Variants in NDST3 observed in about 807,000 individuals in gnomAD.
NDST3 encodes the protein bifunctional heparan sulfate N-deacetylase/N-sulfotransferase 3.
In NDST3, 58 loss-of-function variants were observed where a neutral mutation model predicts 96.1. The ratio of observed to expected loss-of-function variants is 0.60; its 90% CI spans 0.49 to 0.75. NDST3 has a LOEUF of 0.75. NDST3 is among the 30% of genes least tolerant of loss of function. NDST3 has a pLI of 0.00. For missense variants in NDST3, 788 were observed against 1,034.2 expected, an observed-to-expected ratio of 0.76 and a Z score of 3.27; for synonymous variants, 333 against 359.7, an observed-to-expected ratio of 0.93 and a Z score of 0.84.
At chr4:118,133,375 CCT>C (rs1409564654) in intron 4 of NDST3, among the ~76,000 whole-genome samples, 3 of 152,122 alleles carry the variant, frequency 2.0e-5, no homozygotes, top group African/African-American at 7.2e-5. Flanking sequence ...GTAAAGTCCC[CCT>C]GTCACTGTGC....
intron 3 of NDST3, among the ~76,000 whole-genome samples, chr4:118,108,759 A>T (rs1730406800): frequency 6.6e-6 from 1 of 152,136 alleles, no homozygotes; most frequent in African/African-American, 2.4e-5. Context: ...TATAACTTTC[A>T]CCTACCAATT....
At chr4:118,193,643 A>G in intron 6 of NDST3, 1 of 1,299,528 alleles carries the variant, frequency 7.7e-7, no homozygotes, top group East Asian at 2.3e-5. Context: ...GTAGAGCTGC[A>G]AGACCTTCTG....
intron 6 of NDST3, among the ~76,000 whole-genome samples, chr4:118,209,737 G>C (rs1738667184): frequency 6.6e-6 from 1 of 152,120 alleles, no homozygotes; most frequent in Admixed American, 6.6e-5. Context: ...CTAATTGAGA[G>C]CAATTGATTT....
At position 118,114,975 on chromosome 4, in the gene NDST3, T is replaced by C. The variant is rs547630641; in HGVS notation, c.1224+15T>C. 6.2e-7 allele frequency: 1 copy of C among 1,613,136 alleles called. No homozygotes were observed. The highest frequency in any genetic ancestry group is 2.2e-5 in the East Asian group (1 of 44,850). On this transcript the variant is annotated intron_variant, in intron 4 of 13. Transcript: ENST00000296499. ...AATTTGCCTTAGTAAGTAACTCACTTTGTTGCATTGAAGTAGTGTACACTG... is the reference window on the plus strand; with the variant it reads ...AATTTGCCTTAGTAAGTAACTCACTCTGTTGCATTGAAGTAGTGTACACTG...
At chr4:118,111,085 C>G (rs6820108) in intron 3 of NDST3, among the ~76,000 whole-genome samples, 1 of 152,048 alleles carries the variant, frequency 6.6e-6, no homozygotes, top group Admixed American at 6.5e-5. Context: ...AAATACCACA[C>G]GTTCTCATTT....
chr4:118,044,922 C>T (rs1172329903), intron 1 of NDST3, among the ~76,000 whole-genome samples: 1 of 151,936 alleles, frequency 6.6e-6, no homozygotes, highest in Non-Finnish European at 1.5e-5. Context: ...GAGGGCAGAC[C>T]CCTCATGACC....
chr4:118,236,955 C>A, intron 9 of NDST3, 91 bp from the exon 10 acceptor site: 1 of 976,608 alleles, frequency 1.0e-6, no homozygotes, highest in Non-Finnish European at 1.4e-6. Context: ...ATTTAGGAAA[C>A]ACATGAATTT....
chr4:118,044,454 T>A (rs1724638019), intron 1 of NDST3, among the ~76,000 whole-genome samples: 1 of 152,202 alleles, frequency 6.6e-6, no homozygotes, highest in Non-Finnish European at 1.5e-5. Flanking sequence ...TTCTCTGCAG[T>A]GTTTGTAAGA....
At chr4:118,041,524 C>T (rs1724464806) in intron 1 of NDST3, among the ~76,000 whole-genome samples, 1 of 152,134 alleles carries the variant, frequency 6.6e-6, no homozygotes, top group Admixed American at 6.5e-5. Flanking sequence ...ATTTAAAATA[C>T]AGTTTCCTGA....
intron 12 of NDST3, among the ~76,000 whole-genome samples, chr4:118,252,526 T>G (rs750103959): frequency 4.6e-5 from 7 of 152,252 alleles, no homozygotes; most frequent in African/African-American, 1.7e-4. Context: ...GAAAGAGTTA[T>G]ATGAAATATT....
chr4:118,240,064 G>T (rs1740911517), intron 10 of NDST3, among the ~76,000 whole-genome samples: 1 of 151,662 alleles, frequency 6.6e-6, no homozygotes, highest in Non-Finnish European at 1.5e-5. Context: ...TCATTTAAAA[G>T]AGCTGATAGG....
intron 3 of NDST3, among the ~76,000 whole-genome samples, chr4:118,114,392 A>T (rs1730884472): frequency 6.6e-6 from 1 of 152,208 alleles, no homozygotes; most frequent in Admixed American, 6.5e-5. Flanking sequence ...TGTTGTATAC[A>T]CAGCCCATGT....
intron 3 of NDST3, among the ~76,000 whole-genome samples, chr4:118,110,572 AATG>A (rs1293766481): frequency 6.6e-6 from 1 of 152,230 alleles, no homozygotes; most frequent in Admixed American, 6.5e-5. Flanking sequence ...ACTCTCAATC[AATG>A]ATGATTTTAA....
At chr4:118,068,544 C>T (rs1351416313) in intron 2 of NDST3, among the ~76,000 whole-genome samples, 1 of 152,014 alleles carries the variant, frequency 6.6e-6, no homozygotes, top group Non-Finnish European at 1.5e-5. Context: ...AGCCAAGAAA[C>T]ATCACTTTAA....
At chr4:118,084,431 CCTATTT>C (rs1394869444) in intron 2 of NDST3, among the ~76,000 whole-genome samples, 1 of 152,154 alleles carries the variant, frequency 6.6e-6, no homozygotes, top group Non-Finnish European at 1.5e-5. Flanking sequence ...TGTACCAAAG[CCTATTT>C]CTGGATCCAT....
At chr4:118,088,089 CTTGAA>C (rs1217011500) in intron 2 of NDST3, among the ~76,000 whole-genome samples, 1 of 151,998 alleles carries the variant, frequency 6.6e-6, no homozygotes, top group Non-Finnish European at 1.5e-5. Context: ...TAGCCACTAA[CTTGAA>C]TTTTTTGTGA....
In NDST3 at chr4:118,053,689, A is replaced by G. The variant is rs1486331473; in HGVS notation, c.-155-67A>G. 5 of 467,704 alleles carry G rather than the reference A, an allele frequency of 1.1e-5. No homozygotes were observed. The East Asian group carries it at 1.8e-4, about 17-fold the overall frequency. 29.0% of individuals were successfully genotyped at this position (467,704 alleles called of 1,614,324 possible). ...AGTACTCTGCCACTTATGCTAGTCA[A>G]CAAGATAAAAACTTGCTTATTTTAA... On this transcript the variant is annotated intron_variant, in intron 1 of 13. Coordinates refer to ENST00000296499, the MANE Select transcript of NDST3 (RefSeq NM_004784.3).
chr4:118,061,997 T>C (rs1160923001), intron 2 of NDST3, among the ~76,000 whole-genome samples: 1 of 152,138 alleles, frequency 6.6e-6, no homozygotes, highest in Non-Finnish European at 1.5e-5. Context: ...CAGGTTAGTG[T>C]TTGCCTTATT....
At chr4:118,253,064 CTAGTTGTATGATACAAG>C (rs1399608915) in intron 12 of NDST3, among the ~76,000 whole-genome samples, 1 of 152,142 alleles carries the variant, frequency 6.6e-6, no homozygotes, top group Non-Finnish European at 1.5e-5. Flanking sequence ...CTATTACCTT[CTAGTTGTATGATACAAG>C]TAGCATCTAA....
Sources: gnomAD v4.1 joint callset for allele counts (sites outside exome capture counted in the v4.1 genomes callset) on GRCh38, gnomAD v4.1.1 for gene constraint, MANE v1.5 for transcripts, NCBI Gene and HGNC (gene_info 2026-07-23, HGNC 2026-07-21) for gene names.